ATP8B1: variants seen among roughly 807,000 people sequenced by gnomAD.
The protein encoded by ATP8B1 is phospholipid-transporting ATPase IC.
A neutral mutation model predicts 149.9 loss-of-function variants in ATP8B1; 80 were observed. The observed-to-expected ratio is 0.53, with a 90% CI of 0.45 to 0.64. The LOEUF (loss-of-function observed/expected upper bound fraction) is 0.64. Among genes scored for constraint, ATP8B1 ranks in the 30% least tolerant of loss-of-function variants. ATP8B1 has a pLI of 0.00. For missense variants in ATP8B1, 1,247 were observed against 1,552.6 expected (o/e 0.80, Z 3.31); for synonymous variants, 536 against 562.8 (o/e 0.95, Z 0.67).
In ATP8B1 at chr18:57,800,597, C is replaced by T. The variant is rs140227393; in HGVS notation, c.-26+2401G>A. Among the ~76,000 whole-genome samples the T allele has an allele frequency of 1.9e-3, 296 of 152,194 alleles. 4 individuals are homozygous for T. The highest frequency in any genetic ancestry group is 6.6e-3 in the African/African-American group (275 of 41,538). ...CTGCAATAATAGTATTTTTAGATAT[C>T]AATCTAATAAAGAAAGTAAGAAACC... On this transcript the variant is annotated intron_variant, in intron 1 of 27. Coordinates refer to ENST00000648908, the MANE Select transcript of ATP8B1 (RefSeq NM_001374385.1).
chr18:57,777,110 T>C (rs149877811), intron 1 of ATP8B1, among the ~76,000 whole-genome samples: 1,703 of 152,258 alleles, frequency 0.011, 47 homozygotes, highest in African/African-American at 0.039. Context: ...CCCATGTAGC[T>C]GGGACTATAG....
chr18:57,674,386 C>CT (rs36078409), intron 16 of ATP8B1, among the ~76,000 whole-genome samples: 25,298 of 127,936 alleles, frequency 0.2, 2,997 homozygotes, highest in Non-Finnish European at 0.22. Flanking sequence ...ATACCAGTTT[C>CT]TTTTTTTTTT....
Position 57,646,472 on chromosome 18 carries a change from A to AT in ATP8B1, c.*2015dup, listed in dbSNP as rs35833803. 1.3e-5 allele frequency: 2 copies of AT among 152,408 alleles called. 1 individual carries two copies. The highest frequency in any genetic ancestry group is 4.1e-4 in the South Asian group (2 of 4,836). The allele number at this position is 152,408 out of a possible 1,614,324, so 9.4% of individuals were successfully genotyped here. The stretch of plus-strand genomic sequence containing the variant: ...TACTTTTCAAAGATTTTACTAAATC[A>AT]TTTTTTTAAACAAAATATACATTAA... On this transcript the variant is annotated 3_prime_UTR_variant, in exon 28 of 28. Coordinates refer to ENST00000648908, the MANE Select transcript of ATP8B1 (RefSeq NM_001374385.1).
intron 1 of ATP8B1, among the ~76,000 whole-genome samples, chr18:57,732,723 C>T (rs891227877): frequency 3.3e-5 from 5 of 151,980 alleles, no homozygotes; most frequent in African/African-American, 9.7e-5. Flanking sequence ...CCACCACGCC[C>T]GGCTAATTTT....
chr18:57,762,968 G>A (rs1470080432), intron 1 of ATP8B1, among the ~76,000 whole-genome samples: 3 of 152,288 alleles, frequency 2.0e-5, no homozygotes, highest in South Asian at 2.1e-4. Context: ...GGCACTTGGA[G>A]TTCTAAGAAA....
chr18:57,736,984 T>C (rs1277700767), intron 1 of ATP8B1: 2 of 152,242 alleles, frequency 1.3e-5, no homozygotes, highest in Non-Finnish European at 2.9e-5. Flanking sequence ...GTAAAATATA[T>C]GTACATAAAA....
At chr18:57,701,658 G>A (rs1913130502) in intron 4 of ATP8B1, among the ~76,000 whole-genome samples, 1 of 151,838 alleles carries the variant, frequency 6.6e-6, no homozygotes, top group African/African-American at 2.4e-5. Context: ...GGGTGAGGGG[G>A]TAGGAGTGGC....
At chr18:57,753,933 AAAAAAAAAAAAAAAAGAAAGAAAGAAAAG>A (rs1323469677) in intron 1 of ATP8B1, among the ~76,000 whole-genome samples, 1 of 60,914 alleles carries the variant, frequency 1.6e-5, no homozygotes, top group Admixed American at 1.4e-4. Context: ...CTCTGTCTCA[AAAAAAAAAAAAAAAAGAAAGAAAGAAAAG>A]AAAAAAAAAA....
chr18:57,756,236 CAT>C (rs376210260), intron 1 of ATP8B1, among the ~76,000 whole-genome samples: 1 of 106,146 alleles, frequency 9.4e-6, no homozygotes, highest in Non-Finnish European at 1.9e-5. Flanking sequence ...CACACACACA[CAT>C]ATATACACAC....
chr18:57,791,256 T>G (rs1034344115), intron 1 of ATP8B1, among the ~76,000 whole-genome samples: 1 of 152,220 alleles, frequency 6.6e-6, no homozygotes, highest in Non-Finnish European at 1.5e-5. Context: ...TTTGTCCTTT[T>G]GCATCTCATT....
In ATP8B1 at chr18:57,683,218, A is replaced by C. The variant is rs375361610; in HGVS notation, c.1630+818T>G. Among the ~76,000 whole-genome samples the C allele has an allele frequency of 8.2e-4, 125 of 152,304 alleles. 1 individual carries two copies. The highest frequency in any genetic ancestry group is 2.9e-3 in the African/African-American group (122 of 41,564). The stretch of plus-strand genomic sequence containing the variant: ...TAAGGTTGAGAAAAGAGAGGGACTT[A>C]TGTATGCCGCACTGACTGAAGTAAA... On this transcript the variant is annotated intron_variant, in intron 15 of 27. Transcript: ENST00000648908.
intron 6 of ATP8B1, among the ~76,000 whole-genome samples, chr18:57,698,271 C>T (rs1037520562): frequency 6.6e-6 from 1 of 152,140 alleles, no homozygotes; most frequent in Admixed American, 6.5e-5. Flanking sequence ...CCCACCTGGG[C>T]CTCCCAGAGT....
At chr18:57,674,607 C>T (rs964242324) in intron 16 of ATP8B1, among the ~76,000 whole-genome samples, 2 of 151,770 alleles carry the variant, frequency 1.3e-5, no homozygotes, top group African/African-American at 4.8e-5. Context: ...AGGATGGTCT[C>T]GATCTCCTGA....
At chr18:57,771,817 A>C (rs1423906705) in intron 1 of ATP8B1, among the ~76,000 whole-genome samples, 4 of 152,138 alleles carry the variant, frequency 2.6e-5, no homozygotes, top group African/African-American at 9.7e-5. Context: ...AACCAGAAAA[A>C]CCACATTCAA....
chr18:57,661,713 ATT>A (rs759201755), intron 21 of ATP8B1, among the ~76,000 whole-genome samples: 9,404 of 91,392 alleles, frequency 0.1, 297 homozygotes, highest in Non-Finnish European at 0.13. Flanking sequence ...ATATATATAT[ATT>A]TTTTTTTTTT....
At chr18:57,800,245 A>C (rs2123478811) in intron 1 of ATP8B1, among the ~76,000 whole-genome samples, 1 of 152,344 alleles carries the variant, frequency 6.6e-6, no homozygotes, top group East Asian at 1.9e-4. Context: ...CTGTAATCCC[A>C]GCACTTTGGG....
At chr18:57,796,119 G>GA (rs2080512836) in intron 1 of ATP8B1, among the ~76,000 whole-genome samples, 1 of 152,144 alleles carries the variant, frequency 6.6e-6, no homozygotes, top group African/African-American at 2.4e-5. Flanking sequence ...AGAGAGCTGA[G>GA]ATCGCACCAC....
rs79009229 is a variant in ATP8B1, at chr18:57,782,803, C to CTTTTTTTTTTTTTTTTTTTTTTTT, written c.-26+20171_-26+20194dup. Among the ~76,000 whole-genome samples, 4 of 91,178 alleles carry CTTTTTTTTTTTTTTTTTTTTTTTT rather than the reference C, an allele frequency of 4.4e-5. 1 individual carries two copies. The highest frequency in any genetic ancestry group is 5.6e-5 in the Non-Finnish European group (3 of 53,510). The allele number at this position is 91,178 out of a possible 152,430, so 59.8% of individuals were successfully genotyped here. A position where few individuals can be genotyped will look rare whatever the true frequency, so the allele number is the denominator to read the frequency against. On this transcript the variant is annotated intron_variant, in intron 1 of 27. Coordinates refer to ENST00000648908, the MANE Select transcript of ATP8B1 (RefSeq NM_001374385.1). ...GGCTCAGATTAATTCTAGTTTGTCT[C>CTTTTTTTTTTTTTTTTTTTTTTTT]TTTTTTTTTTTTTTTTTTTTTTTTT...
intron 26 of ATP8B1, among the ~76,000 whole-genome samples, chr18:57,650,712 G>A (rs1340568707): frequency 1.3e-5 from 2 of 152,110 alleles, no homozygotes; most frequent in Admixed American, 6.6e-5. Context: ...GCATGGTGGT[G>A]TGCACCTGTA....
Sources: gnomAD v4.1 joint callset for allele counts (sites outside exome capture counted in the v4.1 genomes callset) on GRCh38, gnomAD v4.1.1 for gene constraint, MANE v1.5 for transcripts, NCBI Gene and HGNC (gene_info 2026-07-23, HGNC 2026-07-21) for gene names.